The following EYA1 variants were observed in gnomAD, a reference collection of about 807,000 sequenced individuals.
EYA1 encodes EYA transcriptional coactivator and phosphatase 1.
A neutral mutation model predicts 82.0 loss-of-function variants in EYA1; 16 were observed. The ratio of observed to expected loss-of-function variants is 0.20; its 90% CI spans 0.13 to 0.30. The LOEUF (loss-of-function observed/expected upper bound fraction) is 0.30, where lower values mean the gene tolerates loss of function less well. EYA1 is among the 10% of genes least tolerant of loss of function. The pLI is 1.00. For missense variants in EYA1, 633 were observed against 730.7 expected (o/e 0.87, Z 1.54); for synonymous variants, 261 against 264.4 (o/e 0.99, Z 0.12).
At chr8:71,265,655 A>G (rs531014400) in intron 11 of EYA1, among the ~76,000 whole-genome samples, 3 of 152,364 alleles carry the variant, frequency 2.0e-5, no homozygotes, top group South Asian at 2.1e-4. Flanking sequence ...GTGCACTTTG[A>G]TAACAATAAT....
chr8:71,218,259 C>A (rs1484901944), intron 12 of EYA1, among the ~76,000 whole-genome samples: 1 of 152,166 alleles, frequency 6.6e-6, no homozygotes, highest in African/African-American at 2.4e-5. Context: ...ATCTCTCTAG[C>A]ACTTAGACTC....
intron 2 of EYA1, among the ~76,000 whole-genome samples, chr8:71,394,424 G>T (rs1829464394): frequency 6.6e-6 from 1 of 152,122 alleles, no homozygotes; most frequent in African/African-American, 2.4e-5. Context: ...TATGGCTTTA[G>T]GTCTAACATT....
intron 2 of EYA1, among the ~76,000 whole-genome samples, chr8:71,481,781 GC>G (rs1422435367): frequency 3.9e-5 from 6 of 152,138 alleles, no homozygotes; most frequent in African/African-American, 1.2e-4. Flanking sequence ...GGAAATTGAA[GC>G]CAGGGCAATC....
intron 2 of EYA1, among the ~76,000 whole-genome samples, chr8:71,527,845 G>A (rs1813937544): frequency 6.6e-6 from 1 of 152,082 alleles, no homozygotes; most frequent in South Asian, 2.1e-4. Context: ...TCTGGCCCTG[G>A]AAGCCTATAA....
At chr8:71,247,273 C>T (rs1031117008) in intron 11 of EYA1, among the ~76,000 whole-genome samples, 12 of 152,078 alleles carry the variant, frequency 7.9e-5, no homozygotes, top group African/African-American at 2.4e-4. Context: ...AGAGGAGGAA[C>T]AGAGTACGTG....
At chr8:71,220,034 G>A (rs1418837999) in intron 12 of EYA1, among the ~76,000 whole-genome samples, 2 of 152,122 alleles carry the variant, frequency 1.3e-5, no homozygotes, top group Admixed American at 1.3e-4. Context: ...GGCAGAAGGG[G>A]CTCTGGGCAC....
intron 7 of EYA1, among the ~76,000 whole-genome samples, chr8:71,309,495 G>A (rs147615441): frequency 3.3e-5 from 5 of 152,270 alleles, no homozygotes; most frequent in African/African-American, 7.2e-5. Context: ...TTCATTTTAC[G>A]TCAGAAAGTA....
At chr8:71,428,211 G>A (rs1805375581) in intron 2 of EYA1, among the ~76,000 whole-genome samples, 1 of 152,134 alleles carries the variant, frequency 6.6e-6, no homozygotes, top group Non-Finnish European at 1.5e-5. Context: ...CGGGGGAGAA[G>A]TTATGAAGAA....
Position 71,271,865 on chromosome 8 carries a change from T to C in EYA1, c.859A>G (p.Ile287Val). The C allele has an allele frequency of 6.2e-7, 1 of 1,614,212 alleles. No individual in the cohort carries two copies. Among genetic ancestry groups the C allele is most frequent in the Non-Finnish European group, 8.5e-7 (1 of 1,180,038 alleles). Residue 287 changes from isoleucine to valine, a missense_variant, in exon 10 of 18, where the codon ATT becomes GTT. Transcript: ENST00000340726. ...AATCGATCAGAATCTGAATCTTTAA[T>C]GGGTGTTGATGGGCTGTGGATTGTG... ...YSTIHSPSTP[I>V]KDSDSDRLRR...
chr8:71,228,452 A>G (rs962929128), intron 12 of EYA1, among the ~76,000 whole-genome samples: 33 of 145,972 alleles, frequency 2.3e-4, no homozygotes, highest in South Asian at 1.5e-3. Context: ...GCCCGAAAGG[A>G]AAAAAAAAAG....
chr8:71,537,132 T>C (rs1586907418), intron 1 of EYA1, among the ~76,000 whole-genome samples: 1 of 152,326 alleles, frequency 6.6e-6, no homozygotes, highest in East Asian at 1.9e-4. Flanking sequence ...ATGCTGCAAA[T>C]GTATGCCCAA....
At chr8:71,347,448 G>A (rs1671804732) in intron 3 of EYA1, among the ~76,000 whole-genome samples, 1 of 152,012 alleles carries the variant, frequency 6.6e-6, no homozygotes, top group Non-Finnish European at 1.5e-5. Flanking sequence ...TCAGCCTCCT[G>A]AGTAGCTGGA....
intron 3 of EYA1, among the ~76,000 whole-genome samples, chr8:71,339,324 A>G (rs563144989): frequency 6.6e-6 from 1 of 152,090 alleles, no homozygotes; most frequent in South Asian, 2.1e-4. Context: ...AGGATGGGCA[A>G]TCTCTCATTG....
Position 71,361,000 on chromosome 8 carries a change from T to C in EYA1, c.-55+647A>G, listed in dbSNP as rs1701183249. On this transcript the variant is annotated intron_variant, in intron 1 of 17. Transcript: ENST00000340726. Reference sequence around the variant, plus strand: ...AAAGTTTACAGATCTTGTTTTAAACTTCAAGGTCCACTCAAGCCTTACAAA... The same window carrying C: ...AAAGTTTACAGATCTTGTTTTAAACCTCAAGGTCCACTCAAGCCTTACAAA... Among the ~76,000 whole-genome samples, 3 of 152,336 alleles carry C rather than the reference T, an allele frequency of 2.0e-5. No individual in the cohort carries two copies. In the South Asian group the frequency reaches 6.2e-4, roughly 32 times the overall value.
At chr8:71,199,904 A>C (rs1428286604) in intron 17 of EYA1, 1 of 168,126 alleles carries the variant, frequency 5.9e-6, no homozygotes, top group African/African-American at 2.4e-5. Flanking sequence ...TATTCTTCAT[A>C]TTGACCTTAA....
intron 2 of EYA1, among the ~76,000 whole-genome samples, chr8:71,454,033 A>G (rs926164932): frequency 2.0e-5 from 3 of 152,158 alleles, no homozygotes; most frequent in African/African-American, 4.8e-5. Context: ...CCCATCTCAC[A>G]TGCAGAGACA....
chr8:71,300,069 T>C (rs537503936), intron 7 of EYA1, among the ~76,000 whole-genome samples: 51 of 152,242 alleles, frequency 3.3e-4, no homozygotes, highest in Non-Finnish European at 6.5e-4. Context: ...AATGATGGGG[T>C]CAGATTAGAT....
chr8:71,228,716 A>G (rs1294571761), intron 12 of EYA1, among the ~76,000 whole-genome samples: 1 of 152,186 alleles, frequency 6.6e-6, no homozygotes, highest in East Asian at 1.9e-4. Flanking sequence ...ATAAGGACTG[A>G]ACACCTATGT....
intron 2 of EYA1, among the ~76,000 whole-genome samples, chr8:71,447,291 A>G (rs1806969353): frequency 1.3e-5 from 2 of 151,522 alleles, no homozygotes; most frequent in Admixed American, 1.3e-4. Flanking sequence ...TTCCTAATCT[A>G]TTTTTTTTAA....
Sources: gnomAD v4.1 joint callset for allele counts (sites outside exome capture counted in the v4.1 genomes callset) on GRCh38, gnomAD v4.1.1 for gene constraint, MANE v1.5 for transcripts, NCBI Gene and HGNC (gene_info 2026-07-23, HGNC 2026-07-21) for gene names.